MRFAP1L2: variants seen among roughly 807,000 people sequenced by gnomAD.
The protein encoded by MRFAP1L2 is Morf4 family associated protein 1 like 2, also known as MORF4 family-associated protein 1-like protein UPP.
At chr4:6,674,482 C>T in the MRFAP1L2 span, 2 of 667,308 alleles carry the variant, frequency 3.0e-6, no homozygotes, top group Non-Finnish European at 5.4e-6. Context: ...GGCTGTGCGC[C>T]GAAGCAGAGA....
chr4:6,674,393 A>G, the MRFAP1L2 span: 1 of 653,102 alleles, frequency 1.5e-6, no homozygotes, highest in Non-Finnish European at 2.7e-6. Flanking sequence ...CGCCATCAAG[A>G]GTGAGGTGGA....
the MRFAP1L2 span, chr4:6,674,583 C>T: frequency 4.8e-6 from 3 of 628,588 alleles, no homozygotes; most frequent in Admixed American, 7.6e-5. Flanking sequence ...GCCGGCGAGG[C>T]CGCGCGGGTC....
the MRFAP1L2 span, chr4:6,674,373 G>A: frequency 3.1e-6 from 2 of 648,018 alleles, no homozygotes; most frequent in Non-Finnish European, 2.8e-6. Flanking sequence ...GAGATCCAGA[G>A]CCTGCTCGAC....
At chr4:6,674,249 C>A in the MRFAP1L2 span, 1 of 424,590 alleles carries the variant, frequency 2.4e-6, no homozygotes, top group South Asian at 6.1e-5. Context: ...GCGGGAGCCC[C>A]GCGAGGAGCC....
At chr4:6,675,926 A>C in the MRFAP1L2 span, 1 of 152,244 alleles carries the variant, frequency 6.6e-6, no homozygotes, top group Non-Finnish European at 1.5e-5. Context: ...TCTTGTTATG[A>C]TAAATTTCAT....
the MRFAP1L2 span, chr4:6,674,511 C>T: frequency 8.9e-6 from 6 of 670,426 alleles, no homozygotes; most frequent in Admixed American, 6.4e-5. Flanking sequence ...GCGGAGGCGG[C>T]GCGGATGGGC....
At chr4:6,676,042 A>G in the MRFAP1L2 span, 1 of 152,276 alleles carries the variant, frequency 6.6e-6, no homozygotes, top group Non-Finnish European at 1.5e-5. Context: ...ACATTTTTCA[A>G]AATGAGTTTC....
At chr4:6,674,327 G>C in the MRFAP1L2 span, 2 of 625,200 alleles carry the variant, frequency 3.2e-6, no homozygotes, top group Non-Finnish European at 5.7e-6. Flanking sequence ...GCGCGAGCGC[G>C]CCCGGGCGCA....
chr4:6,674,320 C>T, the MRFAP1L2 span: 1 of 619,582 alleles, frequency 1.6e-6, no homozygotes, highest in East Asian at 3.4e-5. Context: ...CCCTGGAGCG[C>T]GAGCGCGCCC....
At chr4:6,674,268 C>T in the MRFAP1L2 span, 1 of 478,956 alleles carries the variant, frequency 2.1e-6, no homozygotes, top group Non-Finnish European at 3.6e-6. Flanking sequence ...CCGGGCAGCC[C>T]GCTGAGCCCC....
At chr4:6,674,637 G>T in the MRFAP1L2 span, 1 of 560,038 alleles carries the variant, frequency 1.8e-6, no homozygotes, top group Non-Finnish European at 3.1e-6. Flanking sequence ...GAAGGCGCTG[G>T]GTAGGCAGGG....
At chr4:6,674,425 G>C in the MRFAP1L2 span, 1 of 655,298 alleles carries the variant, frequency 1.5e-6, no homozygotes, top group African/African-American at 1.9e-5. Context: ...GGGGCGCCCG[G>C]GCCCCAGCAC....
the MRFAP1L2 span, chr4:6,674,371 GA>G: frequency 1.5e-6 from 1 of 647,958 alleles, no homozygotes; most frequent in Non-Finnish European, 2.8e-6. Flanking sequence ...TGGAGATCCA[GA>G]GCCTGCTCGA....
the MRFAP1L2 span, chr4:6,675,681 A>G: frequency 6.6e-6 from 1 of 152,200 alleles, no homozygotes; most frequent in African/African-American, 2.4e-5. Flanking sequence ...CTGGTGAGCA[A>G]CCTACAATTG....
chr4:6,675,108 C>T, the MRFAP1L2 span: 1 of 152,418 alleles, frequency 6.6e-6, no homozygotes, highest in South Asian at 2.0e-4. Flanking sequence ...GTTTTCTCCA[C>T]ATTAGCCACT....
At chr4:6,674,860 G>C in the MRFAP1L2 span, 1 of 356,754 alleles carries the variant, frequency 2.8e-6, no homozygotes, top group Non-Finnish European at 5.1e-6. Context: ...TACGAGATTG[G>C]AGCGTTTGCG....
chr4:6,674,374 C>G, the MRFAP1L2 span: 35 of 647,506 alleles, frequency 5.4e-5, no homozygotes, highest in Non-Finnish European at 8.0e-5. Context: ...AGATCCAGAG[C>G]CTGCTCGACG....
At chr4:6,674,340 G>C in the MRFAP1L2 span, 1 of 632,606 alleles carries the variant, frequency 1.6e-6, no homozygotes, top group South Asian at 1.7e-5. Flanking sequence ...CGGGCGCACT[G>C]GCGGGCCCGC....
chr4:6,675,704 G>C, the MRFAP1L2 span: 1 of 152,312 alleles, frequency 6.6e-6, no homozygotes, highest in East Asian at 1.9e-4. Context: ...ATGAGTTCTA[G>C]GTACATGTGT....
Sources: allele counts gnomAD v4.1 joint callset, GRCh38; gene constraint gnomAD v4.1.1; transcripts MANE v1.5; gene names NCBI Gene and HGNC (gene_info 2026-07-23, HGNC 2026-07-21).